The following CNTLN variants were observed in gnomAD, a reference collection of about 807,000 sequenced individuals.
CNTLN encodes centlein, also known as centlein, centrosomal protein.
Under a neutral mutation model 180.0 loss-of-function variants are expected in CNTLN, and 212 were observed. The ratio of observed to expected loss-of-function variants is 1.18; its 90% CI spans 1.05 to 1.32. The LOEUF (loss-of-function observed/expected upper bound fraction) is 1.32. Ranked by LOEUF, CNTLN falls within the 40% of genes most tolerant of loss-of-function variation. The pLI is 0.00. For synonymous variants in CNTLN, 722 were observed against 563.1 expected (o/e 1.28, Z -3.99); for missense variants, 2,095 against 1,610.9 (o/e 1.30, Z -5.14).
intron 18 of CNTLN, among the ~76,000 whole-genome samples, chr9:17,426,933 C>T (rs565037164): frequency 2.6e-5 from 4 of 152,110 alleles, no homozygotes; most frequent in Admixed American, 2.0e-4. Context: ...CAGATTTCAA[C>T]CCACATGAGG....
At chr9:17,181,411 T>A (rs1182025864) in intron 2 of CNTLN, among the ~76,000 whole-genome samples, 1 of 152,266 alleles carries the variant, frequency 6.6e-6, no homozygotes. Context: ...TTCTGTTTCT[T>A]TGCTGAGGCT....
chr9:17,350,817 A>G (rs960579593), intron 12 of CNTLN, among the ~76,000 whole-genome samples: 5 of 152,112 alleles, frequency 3.3e-5, no homozygotes, highest in African/African-American at 7.2e-5. Context: ...CCCATCTCCG[A>G]CTATCATCAC....
chr9:17,177,856 T>G (rs114106578), intron 2 of CNTLN, among the ~76,000 whole-genome samples: 2,035 of 152,204 alleles, frequency 0.013, 48 homozygotes, highest in African/African-American at 0.047. Flanking sequence ...GGGACCTGAA[T>G]GGGTTGCCAC....
At chr9:17,396,972 C>T (rs550707950) in intron 15 of CNTLN, among the ~76,000 whole-genome samples, 2 of 152,264 alleles carry the variant, frequency 1.3e-5, no homozygotes, top group African/African-American at 4.8e-5. Flanking sequence ...ACTTACTTCC[C>T]ACCCACTAAG....
intron 1 of CNTLN, among the ~76,000 whole-genome samples, chr9:17,138,781 A>T (rs927529673): frequency 1.3e-5 from 2 of 152,154 alleles, no homozygotes; most frequent in African/African-American, 2.4e-5. Context: ...GTAGAGGTCA[A>T]TTGAGGGCTT....
rs938072546 is a variant in CNTLN, at chr9:17,277,628, T to C, written c.983+3762T>C. Reference sequence around the variant, plus strand: ...TTTGGTAAAACATGATTAATTCACGTAGAGAACCCAAAATAATTTATATAT... The same window carrying C: ...TTTGGTAAAACATGATTAATTCACGCAGAGAACCCAAAATAATTTATATAT... On this transcript the variant is annotated intron_variant, in intron 6 of 25. Transcript: ENST00000380647. Among the ~76,000 whole-genome samples the C allele has an allele frequency of 8.5e-5, 13 of 152,222 alleles. No individual in the cohort carries two copies. The East Asian group carries it at 2.1e-3, about 25-fold the overall frequency.
intron 3 of CNTLN, among the ~76,000 whole-genome samples, chr9:17,235,018 CAA>C (rs1825050905): frequency 6.6e-6 from 1 of 152,072 alleles, no homozygotes; most frequent in South Asian, 2.1e-4. Flanking sequence ...GATCAGCAGC[CAA>C]GAGAGGTGCT....
intron 2 of CNTLN, among the ~76,000 whole-genome samples, chr9:17,193,204 GC>G (rs1408006727): frequency 6.6e-6 from 1 of 151,966 alleles, no homozygotes; most frequent in Non-Finnish European, 1.5e-5. Context: ...TTCCACCCCG[GC>G]CCCTCCGCAT....
chr9:17,209,938 A>T (rs774014519), intron 2 of CNTLN, among the ~76,000 whole-genome samples: 1 of 152,202 alleles, frequency 6.6e-6, no homozygotes, highest in Non-Finnish European at 1.5e-5. Flanking sequence ...ATCTTTATGG[A>T]TGGAGAAACC....
intron 13 of CNTLN, among the ~76,000 whole-genome samples, chr9:17,375,655 G>A (rs1312163314): frequency 2.6e-5 from 4 of 151,986 alleles, no homozygotes; most frequent in East Asian, 1.9e-4. Context: ...TCAATAATTC[G>A]TTAATATTTT....
intron 12 of CNTLN, 84 bp downstream of exon 12, chr9:17,342,528 C>A: frequency 1.3e-5 from 16 of 1,206,330 alleles, no homozygotes; most frequent in South Asian, 8.6e-5. Flanking sequence ...TAAAGAAACA[C>A]TTTATAAAAT....
chr9:17,462,497 T>TG (rs1831513646), intron 19 of CNTLN, among the ~76,000 whole-genome samples: 1 of 151,792 alleles, frequency 6.6e-6, no homozygotes, highest in African/African-American at 2.4e-5. Context: ...GGTTAGGAAA[T>TG]GGATTCCCCT....
rs982811536 is a variant in CNTLN, at chr9:17,464,478, C to G, written c.3405-19C>G. On this transcript the variant is annotated intron_variant, in intron 20 of 25. Transcript: ENST00000380647. ...AGGTATTTTCTGTCACTCTTGATGT[C>G]ACCTTTTTTTTTTTCAAGGATATCT... 2 of 1,524,028 alleles carry G rather than the reference C, an allele frequency of 1.3e-6. No homozygotes were observed. The highest frequency in any genetic ancestry group is 2.9e-5 in the African/African-American group (2 of 67,982). The allele number at this position is 1,524,028 out of a possible 1,614,324, so 94.4% of individuals were successfully genotyped here. A position where few individuals can be genotyped will look rare whatever the true frequency, so the allele number is the denominator to read the frequency against.
chr9:17,181,915 G>C (rs1319486128), intron 2 of CNTLN, among the ~76,000 whole-genome samples: 1 of 152,122 alleles, frequency 6.6e-6, no homozygotes, highest in Non-Finnish European at 1.5e-5. Context: ...GTTATTGCTG[G>C]GCAGAGGTGA....
intron 25 of CNTLN, among the ~76,000 whole-genome samples, chr9:17,489,088 C>G (rs1167294531): frequency 6.6e-6 from 1 of 152,064 alleles, no homozygotes; most frequent in Non-Finnish European, 1.5e-5. Flanking sequence ...ACTTGAATGT[C>G]ACTTTATAAT....
chr9:17,261,097 A>T (rs1411244116), intron 5 of CNTLN, among the ~76,000 whole-genome samples: 1 of 151,328 alleles, frequency 6.6e-6, no homozygotes, highest in Non-Finnish European at 1.5e-5. Context: ...GTATAGTTTG[A>T]GGTTGGATAA....
intron 13 of CNTLN, among the ~76,000 whole-genome samples, chr9:17,385,844 A>G (rs1168969468): frequency 6.6e-6 from 1 of 152,172 alleles, no homozygotes; most frequent in Non-Finnish European, 1.5e-5. Context: ...TACATCAGGG[A>G]CTTGAGCATG....
the CNTLN span, among the ~76,000 whole-genome samples, chr9:17,510,817 T>C: frequency 6.6e-6 from 1 of 152,226 alleles, no homozygotes; most frequent in African/African-American, 2.4e-5. Context: ...GGCTATTGCA[T>C]ATAAAGCTAT....
chr9:17,263,342 T>G (rs1827155674), intron 5 of CNTLN, among the ~76,000 whole-genome samples: 1 of 150,870 alleles, frequency 6.6e-6, no homozygotes, highest in African/African-American at 2.5e-5. Flanking sequence ...GGTTTCCACT[T>G]TCATCCATGT....
Sources: allele counts gnomAD v4.1 joint callset (sites outside exome capture counted in the v4.1 genomes callset), GRCh38; gene constraint gnomAD v4.1.1; transcripts MANE v1.5; gene names NCBI Gene and HGNC (gene_info 2026-07-23, HGNC 2026-07-21).